The following GASK1A variants were observed in gnomAD, a reference collection of about 807,000 sequenced individuals.
GASK1A encodes the protein golgi associated kinase 1A.
Under a neutral mutation model 41.2 loss-of-function variants are expected in GASK1A, and 40 were observed. The observed-to-expected ratio is 0.97, with a 90% CI of 0.75 to 1.27. The LOEUF (loss-of-function observed/expected upper bound fraction) is 1.27. GASK1A is among the 50% of genes most tolerant of loss of function. The pLI is 0.00. For missense variants in GASK1A, 678 were observed against 745.1 expected, an observed-to-expected ratio of 0.91 and a Z score of 1.05; for synonymous variants, 316 against 307.1, an observed-to-expected ratio of 1.03 and a Z score of -0.30.
In GASK1A at chr3:42,979,424, G is replaced by A; in HGVS notation, c.-219G>A. ...ATCCGGCGTGTATTCCCCACCCGCG[G>A]AGTATCCCGGTGTGCAGCGATCTCC... On this transcript the variant is annotated 5_prime_UTR_variant, in exon 1 of 5. Coordinates refer to ENST00000430121, the MANE Select transcript of GASK1A (RefSeq NM_001129908.3). 4.8e-6 allele frequency: 2 copies of A among 418,128 alleles called. No individual in the cohort carries two copies. Among genetic ancestry groups the A allele is most frequent in the Non-Finnish European group, 8.1e-6 (2 of 245,600 alleles). 25.9% of individuals were successfully genotyped at this position (418,128 alleles called of 1,614,324 possible).
chr3:43,049,929 C>CCA (rs1190127615), intron 2 of GASK1A, among the ~76,000 whole-genome samples: 1 of 151,172 alleles, frequency 6.6e-6, no homozygotes, highest in Non-Finnish European at 1.5e-5. Flanking sequence ...TCTCTCCCCC[C>CCA]CCACTTTTAT....
intron 2 of GASK1A, among the ~76,000 whole-genome samples, chr3:43,044,847 G>A (rs1011011682): frequency 1.3e-5 from 2 of 152,118 alleles, no homozygotes; most frequent in East Asian, 1.9e-4. Flanking sequence ...CACCCAACAC[G>A]AGGCCGTGGG....
At chr3:42,995,619 G>T (rs1330068479) in intron 1 of GASK1A, among the ~76,000 whole-genome samples, 1 of 152,114 alleles carries the variant, frequency 6.6e-6, no homozygotes, top group Non-Finnish European at 1.5e-5. Flanking sequence ...GTGGATGTCC[G>T]GTGAAGAGCG....
intron 2 of GASK1A, among the ~76,000 whole-genome samples, chr3:43,043,756 G>A (rs2089648952): frequency 1.3e-5 from 2 of 152,132 alleles, no homozygotes; most frequent in Non-Finnish European, 2.9e-5. Flanking sequence ...AACACTGCCA[G>A]AAAACCCAAA....
intron 2 of GASK1A, among the ~76,000 whole-genome samples, chr3:43,048,663 A>T (rs763345738): frequency 5.9e-5 from 9 of 152,186 alleles, no homozygotes; most frequent in Non-Finnish European, 8.8e-5. Flanking sequence ...TTGTACACTA[A>T]CTGCCATAAG....
intron 1 of GASK1A, among the ~76,000 whole-genome samples, chr3:43,030,669 G>A (rs901850390): frequency 5.3e-5 from 8 of 152,218 alleles, no homozygotes. Context: ...TATTTCATGA[G>A]CAGGACAAGT....
At chr3:43,037,114 G>A in intron 2 of GASK1A, 2 of 769,662 alleles carry the variant, frequency 2.6e-6, no homozygotes, top group East Asian at 2.5e-5. Context: ...CTAAAAGTCA[G>A]TACCTCAAAC....
intron 1 of GASK1A, among the ~76,000 whole-genome samples, chr3:42,996,584 C>G (rs939542615): frequency 1.3e-5 from 2 of 152,186 alleles, no homozygotes; most frequent in African/African-American, 4.8e-5. Flanking sequence ...GGCCCAAGGT[C>G]ACACAGCAAG....
intron 2 of GASK1A, among the ~76,000 whole-genome samples, chr3:43,037,985 T>TA (rs35232151): frequency 5.9e-5 from 9 of 152,032 alleles, no homozygotes; most frequent in Non-Finnish European, 1.2e-4. Flanking sequence ...TCTTTTGTGT[T>TA]AAAAAAAAGT....
At chr3:43,037,366 A>G in intron 2 of GASK1A, 1 of 940,540 alleles carries the variant, frequency 1.1e-6, no homozygotes, top group South Asian at 1.3e-5. Context: ...TGCAATACAA[A>G]TCCTCATTGA....
chr3:43,011,955 G>A (rs2089465726), intron 1 of GASK1A, among the ~76,000 whole-genome samples: 1 of 151,874 alleles, frequency 6.6e-6, no homozygotes, highest in Non-Finnish European at 1.5e-5. Context: ...GCAGTGTGAA[G>A]CCAAAGGAAG....
intron 4 of GASK1A, 34 bp from the exon 5 acceptor site, chr3:43,056,142 T>C: frequency 6.7e-7 from 1 of 1,492,510 alleles, no homozygotes; most frequent in African/African-American, 1.4e-5. Context: ...TTGCTTTTTC[T>C]TTCTGTTACG....
intron 1 of GASK1A, among the ~76,000 whole-genome samples, chr3:43,020,944 C>A (rs959346739): frequency 1.3e-5 from 2 of 152,252 alleles, no homozygotes; most frequent in Admixed American, 6.5e-5. Context: ...ATCTGCAGTG[C>A]AACCATGGTA....
At chr3:42,981,209 G>A (rs1267512596) in intron 1 of GASK1A, among the ~76,000 whole-genome samples, 1 of 152,178 alleles carries the variant, frequency 6.6e-6, no homozygotes, top group African/African-American at 2.4e-5. Flanking sequence ...CACTGTCTCA[G>A]GGTTCACTTG....
chr3:43,010,462 G>A (rs1479740599), intron 1 of GASK1A, among the ~76,000 whole-genome samples: 3 of 152,198 alleles, frequency 2.0e-5, no homozygotes, highest in South Asian at 2.1e-4. Context: ...TGGGCTGCAA[G>A]AGTTAAATTT....
Position 43,056,438 on chromosome 3 carries a change from T to C in GASK1A, c.*52T>C, listed in dbSNP as rs2089716966. The C allele has an allele frequency of 3.5e-6, 5 of 1,419,662 alleles. No individual in the cohort carries two copies. The highest frequency in any genetic ancestry group is 1.4e-5 in the African/African-American group (1 of 69,638). The allele number at this position is 1,419,662 out of a possible 1,614,324, so 87.9% of individuals were successfully genotyped here. A position where few individuals can be genotyped will look rare whatever the true frequency, so the allele number is the denominator to read the frequency against. ...CATCCATCCTGATGGCCACATTTTCTTGGGCTCACTCATCTTGAGGACAAA... is the reference window on the plus strand; with the variant it reads ...CATCCATCCTGATGGCCACATTTTCCTGGGCTCACTCATCTTGAGGACAAA... On this transcript the variant is annotated 3_prime_UTR_variant, in exon 5 of 5. Transcript: ENST00000430121.
chr3:43,021,196 G>A (rs779976566), intron 1 of GASK1A, among the ~76,000 whole-genome samples: 1 of 152,134 alleles, frequency 6.6e-6, no homozygotes, highest in Non-Finnish European at 1.5e-5. Context: ...TTGCTAGGCA[G>A]CCCCAACCCC....
At chr3:43,033,616 C>A in intron 2 of GASK1A, 63 bp downstream of exon 2, 1 of 1,395,926 alleles carries the variant, frequency 7.2e-7, no homozygotes, top group Non-Finnish European at 9.5e-7. Context: ...GGTGGAGAGG[C>A]CTGAATTGCC....
At chr3:42,991,201 T>C (rs2089338779) in intron 1 of GASK1A, among the ~76,000 whole-genome samples, 1 of 152,192 alleles carries the variant, frequency 6.6e-6, no homozygotes, top group South Asian at 2.1e-4. Context: ...AGACAAGGTC[T>C]CACTTTGTTG....
Sources: gnomAD v4.1 joint callset for allele counts (sites outside exome capture counted in the v4.1 genomes callset) on GRCh38, gnomAD v4.1.1 for gene constraint, MANE v1.5 for transcripts, NCBI Gene and HGNC (gene_info 2026-07-23, HGNC 2026-07-21) for gene names.